CEP85L: variants seen among roughly 807,000 people sequenced by gnomAD.
The protein encoded by CEP85L is centrosomal protein 85L, also known as centrosomal protein of 85 kDa-like.
CEP85L carries 60 observed loss-of-function variants against 100.3 expected under a neutral mutation model. That is an observed-to-expected ratio of 0.60 (90% confidence interval 0.49 to 0.74). The LOEUF (loss-of-function observed/expected upper bound fraction) is 0.74, where lower values mean the gene tolerates loss of function less well. Ranked by LOEUF, CEP85L falls within the 30% of genes least tolerant of loss-of-function variation. The pLI is 0.00. For missense variants in CEP85L, 973 were observed against 936.2 expected, an observed-to-expected ratio of 1.04 and a Z score of -0.51; for synonymous variants, 319 against 322.7, an observed-to-expected ratio of 0.99 and a Z score of 0.12.
intron 3 of CEP85L, among the ~76,000 whole-genome samples, chr6:118,526,786 G>C (rs1251234388): frequency 6.6e-6 from 1 of 152,152 alleles, no homozygotes; most frequent in African/African-American, 2.4e-5. Context: ...CCATAACATA[G>C]TTTACAAAGG....
chr6:118,689,351 T>C (rs62423968), intron 1 of CEP85L, among the ~76,000 whole-genome samples: 33,883 of 152,206 alleles, frequency 0.22, 4,833 homozygotes, highest in Non-Finnish European at 0.32. Context: ...TCTTATTTGG[T>C]AAGGAAAATT....
At chr6:118,621,432 C>T (rs1773435719) in intron 2 of CEP85L, among the ~76,000 whole-genome samples, 1 of 152,284 alleles carries the variant, frequency 6.6e-6, no homozygotes, top group Non-Finnish European at 1.5e-5. Flanking sequence ...ATCCTACAGA[C>T]CACACATCCC....
intron 1 of CEP85L, among the ~76,000 whole-genome samples, chr6:118,669,197 G>A (rs1483680189): frequency 6.6e-6 from 1 of 152,202 alleles, no homozygotes; most frequent in South Asian, 2.1e-4. Context: ...AGGGCTCCAT[G>A]TCTGTCAGGG....
rs143615937 is a variant in CEP85L at position 118,598,127 on chromosome 6, GTTC to G, written c.233-31814_233-31812del. Among the ~76,000 whole-genome samples, 449 of 152,262 alleles carry G rather than the reference GTTC, an allele frequency of 2.9e-3. 2 individuals are homozygous for G. Among genetic ancestry groups the G allele is most frequent in the African/African-American group, 0.01 (426 of 41,568 alleles). On this transcript the variant is annotated intron_variant, in intron 2 of 12. Transcript: ENST00000368491. ...ACACTAAGAAAATCTCAGAGCATCT[GTTC>G]TTCAACTTCTCAATCCTCATTCCCC...
chr6:118,497,743 C>G (rs1340370780), intron 5 of CEP85L, among the ~76,000 whole-genome samples: 1 of 152,062 alleles, frequency 6.6e-6, no homozygotes. Context: ...ATGTTAAAAG[C>G]CTTCAGAGAG....
At chr6:118,703,900 A>G (rs1218309488) in intron 1 of CEP85L, among the ~76,000 whole-genome samples, 2 of 152,226 alleles carry the variant, frequency 1.3e-5, no homozygotes, top group African/African-American at 4.8e-5. Flanking sequence ...TGACCCATGT[A>G]TTATTAGATA....
chr6:118,622,434 T>C (rs1773511336), intron 2 of CEP85L, among the ~76,000 whole-genome samples: 1 of 152,194 alleles, frequency 6.6e-6, no homozygotes, highest in African/African-American at 2.4e-5. Flanking sequence ...GAGGATCTCT[T>C]AGAAGTTCCT....
intron 1 of CEP85L, among the ~76,000 whole-genome samples, chr6:118,686,196 GTT>G (rs11364398): frequency 0.22 from 33,518 of 149,066 alleles, 4,736 homozygotes; most frequent in Non-Finnish European, 0.32. Flanking sequence ...AGCAACACAT[GTT>G]TTTTTTTTTT....
Position 118,467,694 on chromosome 6 carries a change from T to A in CEP85L, c.2254+1378A>T, listed in dbSNP as rs1026199424. 3.9e-5 allele frequency among the ~76,000 whole-genome samples: 6 copies of A among 152,288 alleles called. No homozygotes were observed. In the South Asian group the frequency reaches 1.2e-3, roughly 32 times the overall value. ...GAAAATGTAGGAGACTCTAAAGTAA[T>A]TAAAAGGGTGACCAACTCTAAAATC... On this transcript the variant is annotated intron_variant, in intron 12 of 12. Transcript: ENST00000368491.
At chr6:118,617,737 G>A (rs963747074) in intron 2 of CEP85L, among the ~76,000 whole-genome samples, 3 of 152,002 alleles carry the variant, frequency 2.0e-5, no homozygotes, top group South Asian at 2.1e-4. Context: ...TCTGTCACTC[G>A]CCATGGTCAG....
rs143136320 is a variant in CEP85L, at chr6:118,484,190, C to T, written c.1438-332G>A. Among the ~76,000 whole-genome samples, 564 of 152,230 alleles carry T rather than the reference C, an allele frequency of 3.7e-3. 3 individuals are homozygous for T. Among genetic ancestry groups the T allele is most frequent in the African/African-American group, 0.013 (538 of 41,528 alleles). On this transcript the variant is annotated intron_variant, in intron 6 of 12. Transcript: ENST00000368491. ...AATTAGCTGGGCGTGGTGGCACGTG[C>T]CTGTAGTCCCAGCTACTTGAAAGGC...
intron 2 of CEP85L, among the ~76,000 whole-genome samples, chr6:118,621,313 C>A (rs770978102): frequency 2.0e-5 from 3 of 152,188 alleles, no homozygotes; most frequent in Non-Finnish European, 4.4e-5. Context: ...CTAAGCCCCG[C>A]TCTCTCAGAT....
intron 7 of CEP85L, among the ~76,000 whole-genome samples, chr6:118,482,340 T>C (rs901291177): frequency 1.3e-5 from 2 of 152,202 alleles, no homozygotes; most frequent in East Asian, 3.8e-4. Flanking sequence ...AAACTCTATA[T>C]CAATTAAACA....
chr6:118,475,760 T>C (rs916511828), intron 10 of CEP85L, among the ~76,000 whole-genome samples: 5 of 152,216 alleles, frequency 3.3e-5, no homozygotes, highest in Admixed American at 2.6e-4. Flanking sequence ...ATGTTAAATG[T>C]GTTTGATGAC....
intron 4 of CEP85L, among the ~76,000 whole-genome samples, chr6:118,512,643 C>CA (rs1402715640): frequency 1.3e-5 from 2 of 151,214 alleles, no homozygotes; most frequent in East Asian, 1.9e-4. Context: ...TTATCTGATC[C>CA]AAAAAAAATC....
At chr6:118,593,683 TA>T (rs35539336) in intron 2 of CEP85L, among the ~76,000 whole-genome samples, 67,355 of 142,730 alleles carry the variant, frequency 0.47, 15,731 homozygotes, top group Middle Eastern at 0.57. Context: ...TAATGCTGTT[TA>T]AAAAAAAAAA....
At chr6:118,468,711 C>A (rs1257591295) in intron 12 of CEP85L, among the ~76,000 whole-genome samples, 2 of 152,106 alleles carry the variant, frequency 1.3e-5, no homozygotes, top group African/African-American at 4.8e-5. Flanking sequence ...AATATTTTAC[C>A]AGTGGACAAT....
intron 11 of CEP85L, among the ~76,000 whole-genome samples, chr6:118,469,555 C>G (rs1415450355): frequency 1.3e-5 from 2 of 152,120 alleles, no homozygotes; most frequent in Non-Finnish European, 2.9e-5. Flanking sequence ...AAACATAAAT[C>G]CAGTCTCAGT....
intron 2 of CEP85L, among the ~76,000 whole-genome samples, chr6:118,594,215 A>G (rs911582356): frequency 5.9e-5 from 9 of 152,214 alleles, no homozygotes; most frequent in Admixed American, 1.3e-4. Context: ...AAATAATCCA[A>G]CAAGTCCTTA....
Sources: gnomAD v4.1 joint callset for allele counts (sites outside exome capture counted in the v4.1 genomes callset) on GRCh38, gnomAD v4.1.1 for gene constraint, MANE v1.5 for transcripts, NCBI Gene and HGNC (gene_info 2026-07-23, HGNC 2026-07-21) for gene names.